ADGRL3: variants seen among roughly 807,000 people sequenced by gnomAD.
The protein encoded by ADGRL3 is calcium-independent alpha-latrotoxin receptor 3.
A neutral mutation model predicts 153.5 loss-of-function variants in ADGRL3; 62 were observed. The ratio of observed to expected loss-of-function variants is 0.40; its 90% CI spans 0.33 to 0.50. The LOEUF (loss-of-function observed/expected upper bound fraction) is 0.50, where lower values mean the gene tolerates loss of function less well. Among genes scored for constraint, ADGRL3 ranks in the 20% least tolerant of loss-of-function variants. ADGRL3 has a pLI of 0.47. For missense variants in ADGRL3, 1,641 were observed against 1,859.4 expected (o/e 0.88, Z 2.16); for synonymous variants, 710 against 672.5 (o/e 1.06, Z -0.86).
rs897114627 is a variant in ADGRL3, at chr4:61,726,729, ATAC to A, written c.584-3890_584-3888del. 1.4e-3 allele frequency among the ~76,000 whole-genome samples: 219 copies of A among 152,302 alleles called. 1 individual carries two copies. The highest frequency in any genetic ancestry group is 5.1e-3 in the African/African-American group (214 of 41,576). On this transcript the variant is annotated intron_variant, in intron 6 of 26. Coordinates refer to ENST00000683033, the MANE Select transcript of ADGRL3 (RefSeq NM_001387552.1). Reference sequence around the variant, plus strand: ...TACAAGGAAAATCATTCTTTTAACAATACTATTACATTGCAAGGAAAAAAATTG... The same window carrying A: ...TACAAGGAAAATCATTCTTTTAACAATATTACATTGCAAGGAAAAAAATTG...
intron 6 of ADGRL3, among the ~76,000 whole-genome samples, chr4:61,730,184 C>T (rs990795526): frequency 4.6e-5 from 7 of 151,838 alleles, no homozygotes; most frequent in Non-Finnish European, 8.8e-5. Context: ...CTTTGAAATG[C>T]ATAGAAAGCA....
At chr4:61,826,102 T>G (rs2097797568) in intron 9 of ADGRL3, among the ~76,000 whole-genome samples, 1 of 150,956 alleles carries the variant, frequency 6.6e-6, no homozygotes, top group Non-Finnish European at 1.5e-5. Context: ...GGACTTTACC[T>G]TGTAGTGGGA....
intron 5 of ADGRL3, among the ~76,000 whole-genome samples, chr4:61,667,960 T>C (rs569689619): frequency 1.3e-5 from 2 of 152,332 alleles, no homozygotes; most frequent in Admixed American, 6.5e-5. Context: ...GTTTTCAATA[T>C]GTCTTTTTAC....
intron 17 of ADGRL3, among the ~76,000 whole-genome samples, chr4:61,965,734 G>T (rs2150558586): frequency 6.6e-6 from 1 of 151,924 alleles, no homozygotes; most frequent in South Asian, 2.1e-4. Context: ...CTGGGCGACT[G>T]AGCAAGACTC....
rs1413798834 is a variant in ADGRL3 at position 61,641,727 on chromosome 4, A to C, written c.474-35099A>C. Among the ~76,000 whole-genome samples the C allele has an allele frequency of 2.0e-5, 3 of 151,700 alleles. No homozygotes were observed. The East Asian group carries it at 5.8e-4, about 30-fold the overall frequency. On this transcript the variant is annotated intron_variant, in intron 5 of 26. Transcript: ENST00000683033. ...TTGGTTCCAAGTCTTTGCTATTGTG[A>C]ATAATGCCACAATAAACATACGTGT...
intron 2 of ADGRL3, among the ~76,000 whole-genome samples, chr4:61,403,916 T>A (rs2096961584): frequency 6.6e-6 from 1 of 152,074 alleles, no homozygotes; most frequent in African/African-American, 2.4e-5. Context: ...AATAGTAGTA[T>A]AGTGAGAAAA....
chr4:61,580,296 A>G (rs2098918633), intron 4 of ADGRL3, among the ~76,000 whole-genome samples: 1 of 152,030 alleles, frequency 6.6e-6, no homozygotes, highest in Admixed American at 6.6e-5. Context: ...ATGATCAGTG[A>G]GATGCAGGGG....
At chr4:61,533,076 G>T (rs574011519) in intron 4 of ADGRL3, among the ~76,000 whole-genome samples, 4 of 152,144 alleles carry the variant, frequency 2.6e-5, no homozygotes, top group African/African-American at 7.2e-5. Context: ...AAATCTATCT[G>T]CCATAAAACA....
chr4:61,539,169 T>C lies in ADGRL3; in HGVS notation c.259+21651T>C, dbSNP rs146977360. On this transcript the variant is annotated intron_variant, in intron 4 of 26. Transcript: ENST00000683033. ...AGTGCTTTATGTAGGGAGGGAAAGA[T>C]GGGCTACACCCTTCATGCAAACCTG... Among the ~76,000 whole-genome samples, 20 of 152,288 alleles carry C rather than the reference T, an allele frequency of 1.3e-4. No individual in the cohort carries two copies. In the East Asian group the frequency reaches 3.9e-3, roughly 30 times the overall value.
At chr4:61,556,154 G>T (rs2098765504) in intron 4 of ADGRL3, among the ~76,000 whole-genome samples, 1 of 152,226 alleles carries the variant, frequency 6.6e-6, no homozygotes, top group African/African-American at 2.4e-5. Flanking sequence ...TGAAAATATT[G>T]TTAAAAATAT....
At chr4:61,965,702 G>A (rs2099003941) in intron 17 of ADGRL3, among the ~76,000 whole-genome samples, 1 of 152,002 alleles carries the variant, frequency 6.6e-6, no homozygotes, top group South Asian at 2.1e-4. Flanking sequence ...AGTGAGCTGA[G>A]ATCATGCCAC....
chr4:61,498,774 G>A (rs537038542), intron 3 of ADGRL3, among the ~76,000 whole-genome samples: 4 of 152,112 alleles, frequency 2.6e-5, no homozygotes, highest in Admixed American at 1.3e-4. Context: ...ATATATAAGC[G>A]AGACATTTAT....
chr4:61,711,458 T>TTTTATATATATATATA (rs1491302780), intron 6 of ADGRL3, among the ~76,000 whole-genome samples: 1,151 of 34,394 alleles, frequency 0.033, 95 homozygotes, highest in Non-Finnish European at 0.038. Context: ...ATATGCTTCA[T>TTTTATATATATATATA]TATATATATA....
intron 5 of ADGRL3, among the ~76,000 whole-genome samples, chr4:61,634,774 A>C (rs1467859928): frequency 6.6e-6 from 1 of 152,168 alleles, no homozygotes; most frequent in African/African-American, 2.4e-5. Flanking sequence ...AAAATAAAAT[A>C]TTTTAGCTCA....
At chr4:61,504,551 A>G (rs1441023587) in intron 3 of ADGRL3, among the ~76,000 whole-genome samples, 1 of 152,132 alleles carries the variant, frequency 6.6e-6, no homozygotes, top group Non-Finnish European at 1.5e-5. Flanking sequence ...ACAATAAATT[A>G]TTGTTGGTTA....
intron 1 of ADGRL3, among the ~76,000 whole-genome samples, chr4:61,309,020 C>T (rs553146253): frequency 8.6e-4 from 131 of 152,142 alleles, no homozygotes; most frequent in Non-Finnish European, 1.1e-3. Context: ...TTTTGCTGCA[C>T]TTGTAGACAA....
intron 2 of ADGRL3, among the ~76,000 whole-genome samples, chr4:61,410,400 G>T (rs561149241): frequency 6.0e-5 from 9 of 150,434 alleles, no homozygotes; most frequent in Admixed American, 2.0e-4. Flanking sequence ...TTGTGTATTT[G>T]CCCTCTCTTT....
chr4:61,234,746 G>C (rs1389733972), intron 1 of ADGRL3, among the ~76,000 whole-genome samples: 2 of 152,132 alleles, frequency 1.3e-5, no homozygotes, highest in African/African-American at 4.8e-5. Context: ...TTTAGTGAAG[G>C]GTGGTGTTAC....
Position 61,366,936 on chromosome 4 carries a change from G to C in ADGRL3, c.-239-16188G>C, listed in dbSNP as rs373769815. The stretch of plus-strand genomic sequence containing the variant: ...ATATTTAACTCAGTTTTGTAGCACA[G>C]TTAGCTAGCCCCACTTTAGGTTTAC... On this transcript the variant is annotated intron_variant, in intron 1 of 26. Transcript: ENST00000683033. Among the ~76,000 whole-genome samples, 3 of 152,260 alleles carry C rather than the reference G, an allele frequency of 2.0e-5. No homozygotes were observed. The East Asian group carries it at 5.8e-4, about 29-fold the overall frequency.
Sources: gnomAD v4.1 joint callset for allele counts (sites outside exome capture counted in the v4.1 genomes callset) on GRCh38, gnomAD v4.1.1 for gene constraint, MANE v1.5 for transcripts, NCBI Gene and HGNC (gene_info 2026-07-23, HGNC 2026-07-21) for gene names.